NEDD4: variants seen among roughly 807,000 people sequenced by gnomAD.
The protein encoded by NEDD4 is NEDD4 E3 ubiquitin protein ligase.
In NEDD4, 99 loss-of-function variants were observed where a neutral mutation model predicts 144.9. That is an observed-to-expected ratio of 0.68 (90% CI 0.58 to 0.81). NEDD4 has a LOEUF of 0.81. Among genes scored for constraint, NEDD4 ranks in the 30% least tolerant of loss-of-function variants. NEDD4 has a pLI of 0.00. For missense variants in NEDD4, 985 were observed against 1,065.9 expected (o/e 0.92, Z 1.06); for synonymous variants, 318 against 350.6 (o/e 0.91, Z 1.04).
Position 55,845,590 on chromosome 15 carries a change from A to G in NEDD4, c.1608+1379T>C, listed in dbSNP as rs1322064284. On this transcript the variant is annotated intron_variant, in intron 18 of 28. Coordinates refer to ENST00000435532, the MANE Select transcript of NEDD4 (RefSeq NM_006154.4). ...TCCCATCTCCTGCTGCCTGGAAGAC[A>G]TTAATAATTAGATACTACAACATGT... Among the ~76,000 whole-genome samples the G allele has an allele frequency of 2.6e-5, 4 of 152,010 alleles. 1 individual carries two copies. Among genetic ancestry groups the G allele is most frequent in the Admixed American group, 6.6e-5 (1 of 15,260 alleles).
At chr15:55,961,509 C>T (rs1043634741) in intron 2 of NEDD4, among the ~76,000 whole-genome samples, 5 of 150,594 alleles carry the variant, frequency 3.3e-5, no homozygotes, top group South Asian at 2.1e-4. Flanking sequence ...CTCACTCTGT[C>T]ACCCAGGCTG....
chr15:55,974,793 T>C (rs1015294242), intron 1 of NEDD4, among the ~76,000 whole-genome samples: 3 of 150,812 alleles, frequency 2.0e-5, no homozygotes, highest in Non-Finnish European at 1.5e-5. Flanking sequence ...AAGCCATATA[T>C]GACAGACCCA....
chr15:55,853,914 CG>C (rs2034090499), intron 12 of NEDD4, among the ~76,000 whole-genome samples: 1 of 152,126 alleles, frequency 6.6e-6, no homozygotes, highest in South Asian at 2.1e-4. Flanking sequence ...CTGCTTGAAC[CG>C]GGAGGCAGAG....
chr15:55,871,803 G>A (rs562821763), intron 7 of NEDD4, among the ~76,000 whole-genome samples: 1 of 152,216 alleles, frequency 6.6e-6, no homozygotes, highest in Admixed American at 6.5e-5. Flanking sequence ...GCTTTAGTTT[G>A]ACCTTTTTGA....
chr15:55,957,484 G>A (rs1158178298), intron 2 of NEDD4, among the ~76,000 whole-genome samples: 2 of 152,160 alleles, frequency 1.3e-5, no homozygotes, highest in Non-Finnish European at 2.9e-5. Context: ...AGTTTGCAGA[G>A]AGTGTCTATT....
At chr15:55,869,745 A>G in intron 7 of NEDD4, 64 bp from the exon 8 acceptor site, 1 of 1,091,554 alleles carries the variant, frequency 9.2e-7, no homozygotes, top group Non-Finnish European at 1.3e-6. Context: ...TCAATTAATA[A>G]GAGTTTAATG....
At chr15:55,862,246 C>T (rs377222105) in intron 9 of NEDD4, among the ~76,000 whole-genome samples, 1 of 151,592 alleles carries the variant, frequency 6.6e-6, no homozygotes, top group Non-Finnish European at 1.5e-5. Flanking sequence ...TAAAAAATTA[C>T]GAGTATGTTT....
At chr15:55,875,155 A>G (rs1215098891) in intron 5 of NEDD4, among the ~76,000 whole-genome samples, 1 of 152,138 alleles carries the variant, frequency 6.6e-6, no homozygotes, top group African/African-American at 2.4e-5. Context: ...CCACAAGATG[A>G]CGCAGATCAT....
At chr15:55,874,556 T>G (rs1208790828) in intron 5 of NEDD4, among the ~76,000 whole-genome samples, 1 of 152,072 alleles carries the variant, frequency 6.6e-6, no homozygotes, top group Non-Finnish European at 1.5e-5. Flanking sequence ...AAATCCCTAG[T>G]TTTACTCTGA....
intron 5 of NEDD4, chr15:55,917,063 G>A: frequency 7.9e-7 from 1 of 1,262,060 alleles, no homozygotes. Context: ...TGAATCGCTT[G>A]TAGTCAAAAT....
chr15:55,950,019 TATAA>T (rs2037209489), intron 4 of NEDD4, among the ~76,000 whole-genome samples: 2 of 150,578 alleles, frequency 1.3e-5, no homozygotes, highest in South Asian at 4.2e-4. Context: ...AAAACAAAAG[TATAA>T]ATAAATAAAT....
At chr15:55,927,132 AT>A (rs1361027890) in intron 4 of NEDD4, among the ~76,000 whole-genome samples, 1 of 149,472 alleles carries the variant, frequency 6.7e-6, no homozygotes, top group Admixed American at 6.6e-5. Flanking sequence ...GTGTAAGATG[AT>A]TTTTTTTCAA....
chr15:55,993,326 C>T (rs1230461414), intron 1 of NEDD4, among the ~76,000 whole-genome samples, 185 bp downstream of exon 1: 1 of 152,134 alleles, frequency 6.6e-6, no homozygotes, highest in Admixed American at 6.5e-5. Context: ...CAGCGAGCCC[C>T]CAGCGCCCGC....
intron 1 of NEDD4, among the ~76,000 whole-genome samples, chr15:55,979,030 CCT>C (rs1343950289): frequency 1.3e-5 from 2 of 151,318 alleles, no homozygotes; most frequent in East Asian, 3.9e-4. Context: ...TTCTCCCATT[CCT>C]CTGTTGTCCC....
rs555227584 is a variant in NEDD4 at position 55,851,349 on chromosome 15, T to C, written c.1147-607A>G. ...AATGTTAAGCAAAAAGGTGTAGACT[T>C]ACAGGGCCACAACATCAATGCAAAG... is the stretch of plus-strand genomic sequence containing the variant. On this transcript the variant is annotated intron_variant, in intron 13 of 28. Transcript: ENST00000435532. 5.9e-5 allele frequency among the ~76,000 whole-genome samples: 9 copies of C among 151,520 alleles called. No individual in the cohort carries two copies. The East Asian group carries it at 1.8e-3, about 30-fold the overall frequency.
chr15:55,864,398 T>C (rs1338313711), intron 8 of NEDD4, among the ~76,000 whole-genome samples: 1 of 149,798 alleles, frequency 6.7e-6, no homozygotes, highest in African/African-American at 2.5e-5. Context: ...AAAAAAAAAA[T>C]AGGCCAGGTG....
intron 5 of NEDD4, among the ~76,000 whole-genome samples, chr15:55,909,827 C>T (rs2036212907): frequency 6.6e-6 from 1 of 152,144 alleles, no homozygotes. Flanking sequence ...TGGGAATAGG[C>T]CTTAAAACCT....
intron 21 of NEDD4, among the ~76,000 whole-genome samples, chr15:55,839,973 C>CAAAAAAAAAAA (rs1157411288): frequency 3.3e-4 from 4 of 12,108 alleles, no homozygotes; most frequent in Admixed American, 3.9e-3. Context: ...CACTCTGTCT[C>CAAAAAAAAAAA]AAAAAAAAAA....
intron 5 of NEDD4, among the ~76,000 whole-genome samples, chr15:55,899,755 A>C (rs138998116): frequency 5.5e-4 from 84 of 152,352 alleles, no homozygotes; most frequent in African/African-American, 2.0e-3. Flanking sequence ...ACTGATGGAA[A>C]TGTTCTGTAC....
Sources: allele counts gnomAD v4.1 joint callset (sites outside exome capture counted in the v4.1 genomes callset), GRCh38; gene constraint gnomAD v4.1.1; transcripts MANE v1.5; gene names NCBI Gene and HGNC (gene_info 2026-07-23, HGNC 2026-07-21).